Variants in RAPGEF6 observed in about 807,000 individuals in gnomAD.
RAPGEF6 encodes the protein PDZ domain containing guanine nucleotide exchange factor (GEF) 2.
In RAPGEF6, 56 loss-of-function variants were observed where a neutral mutation model predicts 171.4. That is an observed-to-expected ratio of 0.33 (90% CI 0.26 to 0.41). The LOEUF is 0.41. RAPGEF6 is among the 10% of genes least tolerant of loss of function. The pLI, the probability that RAPGEF6 is intolerant of heterozygous loss-of-function variation, is 1.00. For missense variants in RAPGEF6, 1,674 were observed against 1,921.4 expected (o/e 0.87, Z 2.41); for synonymous variants, 692 against 650.1 (o/e 1.06, Z -0.98).
chr5:131,560,839 T>C (rs1166837874), intron 5 of RAPGEF6, among the ~76,000 whole-genome samples: 1 of 152,240 alleles, frequency 6.6e-6, no homozygotes, highest in Non-Finnish European at 1.5e-5. Context: ...GTTATACAGA[T>C]GATCCAGTTT....
intron 25 of RAPGEF6, 48 bp downstream of exon 25, chr5:131,433,382 G>A (rs1466346336): frequency 6.5e-7 from 1 of 1,533,622 alleles, no homozygotes. Context: ...CCTTGCAGTG[G>A]CCACTTGGCT....
intron 1 of RAPGEF6, among the ~76,000 whole-genome samples, chr5:131,606,911 G>A (rs1764633104): frequency 6.6e-6 from 1 of 152,152 alleles, no homozygotes; most frequent in Admixed American, 6.5e-5. Flanking sequence ...CTAAAAGAAT[G>A]ATCCCAATTG....
At chr5:131,564,834 CA>C (rs1281986794) in intron 4 of RAPGEF6, among the ~76,000 whole-genome samples, 1 of 152,146 alleles carries the variant, frequency 6.6e-6, no homozygotes, top group Non-Finnish European at 1.5e-5. Flanking sequence ...AATGTTCTAT[CA>C]AATCACATAT....
chr5:131,469,655 G>T, intron 17 of RAPGEF6: 1 of 521,240 alleles, frequency 1.9e-6, no homozygotes, highest in Non-Finnish European at 3.2e-6. Flanking sequence ...AAAGACACAT[G>T]CCAGTTAATA....
At chr5:131,475,022 C>T (rs909154797) in intron 16 of RAPGEF6, among the ~76,000 whole-genome samples, 3 of 152,160 alleles carry the variant, frequency 2.0e-5, no homozygotes, top group Non-Finnish European at 2.9e-5. Flanking sequence ...ACAGAAAATA[C>T]GAAAAGTCCT....
chr5:131,424,860 A>G lies in RAPGEF6; in HGVS notation c.*2406T>C, dbSNP rs1013689987. ...GCAGATTGAGAGTTGTGGCAGGAAG[A>G]GAGGGCACTAGTCTCTTCATTAAGA... On this transcript the variant is annotated 3_prime_UTR_variant, in exon 28 of 28. Transcript: ENST00000509018. 1 of 152,360 alleles carries G rather than the reference A, an allele frequency of 6.6e-6. No homozygotes were observed. 9.4% of individuals were successfully genotyped at this position (152,360 alleles called of 1,614,324 possible).
At chr5:131,542,651 A>C (rs1265484931) in intron 6 of RAPGEF6, among the ~76,000 whole-genome samples, 1 of 152,228 alleles carries the variant, frequency 6.6e-6, no homozygotes, top group Non-Finnish European at 1.5e-5. Flanking sequence ...CACATAAACA[A>C]GATATTATGG....
At chr5:131,561,706 C>G (rs1581027258) in intron 5 of RAPGEF6, among the ~76,000 whole-genome samples, 1 of 150,822 alleles carries the variant, frequency 6.6e-6, no homozygotes, top group Non-Finnish European at 1.5e-5. Context: ...TCATGGTCCC[C>G]TTTTAAAACT....
intron 1 of RAPGEF6, among the ~76,000 whole-genome samples, chr5:131,613,903 C>T (rs1765100379): frequency 1.3e-5 from 2 of 152,148 alleles, no homozygotes; most frequent in Admixed American, 1.3e-4. Context: ...AAGCTAGTGA[C>T]ACCGAGAAGC....
At chr5:131,479,341 T>G (rs1380557508) in intron 16 of RAPGEF6, among the ~76,000 whole-genome samples, 172 bp downstream of exon 16, 2 of 152,174 alleles carry the variant, frequency 1.3e-5, no homozygotes, top group African/African-American at 4.8e-5. Context: ...AGTAACTTCA[T>G]GAAAGTGATA....
intron 6 of RAPGEF6, among the ~76,000 whole-genome samples, chr5:131,546,876 A>G (rs934291567): frequency 6.6e-6 from 1 of 152,230 alleles, no homozygotes; most frequent in African/African-American, 2.4e-5. Context: ...ATTGCAAAAT[A>G]TCATCAAATA....
intron 11 of RAPGEF6, among the ~76,000 whole-genome samples, chr5:131,502,651 C>T (rs186118445): frequency 3.9e-4 from 59 of 152,288 alleles, no homozygotes; most frequent in Non-Finnish European, 7.1e-4. Flanking sequence ...AGGATATTAA[C>T]AACAGTGAAG....
At chr5:131,496,492 CAA>C (rs1756649931) in intron 12 of RAPGEF6, among the ~76,000 whole-genome samples, 1 of 152,194 alleles carries the variant, frequency 6.6e-6, no homozygotes, top group East Asian at 1.9e-4. Flanking sequence ...AAGTAAACCT[CAA>C]ACTCATTAAG....
At chr5:131,571,947 A>C (rs986688619) in intron 4 of RAPGEF6, among the ~76,000 whole-genome samples, 1 of 152,074 alleles carries the variant, frequency 6.6e-6, no homozygotes, top group Non-Finnish European at 1.5e-5. Flanking sequence ...ACATCCTCCC[A>C]GCCCTTGAGA....
Position 131,530,282 on chromosome 5 carries a change from C to T in RAPGEF6, c.496-8761G>A, listed in dbSNP as rs146872868. On this transcript the variant is annotated intron_variant, in intron 6 of 27. Coordinates refer to ENST00000509018, the MANE Select transcript of RAPGEF6 (RefSeq NM_016340.6). ...ACAGTGTAGTAACTTTTTCAAACTG[C>T]TAAAGAAAAAAGACTTTGGATTTAT... Among the ~76,000 whole-genome samples the T allele has an allele frequency of 4.2e-3, 645 of 151,788 alleles. 8 individuals carry two copies. The highest frequency in any genetic ancestry group is 0.015 in the African/African-American group (612 of 41,414).
intron 26 of RAPGEF6, among the ~76,000 whole-genome samples, chr5:131,429,534 C>A (rs1048865377): frequency 2.0e-5 from 3 of 152,128 alleles, no homozygotes; most frequent in African/African-American, 7.2e-5. Context: ...GAAGTCACAC[C>A]AGCCCTAAAG....
chr5:131,502,185 T>C (rs530064660), intron 11 of RAPGEF6, among the ~76,000 whole-genome samples: 103 of 152,188 alleles, frequency 6.8e-4, no homozygotes, highest in Non-Finnish European at 1.4e-3. Context: ...ATAAATAAAT[T>C]AATGAAGACA....
intron 7 of RAPGEF6, among the ~76,000 whole-genome samples, chr5:131,512,262 A>AGGCAGACGG (rs923363435): frequency 6.6e-6 from 1 of 152,168 alleles, no homozygotes; most frequent in African/African-American, 2.4e-5. Flanking sequence ...GACCAGAAAC[A>AGGCAGACGG]GGCAGACGGG....
intron 5 of RAPGEF6, among the ~76,000 whole-genome samples, chr5:131,556,991 T>C (rs1435606635): frequency 2.0e-5 from 3 of 152,224 alleles, no homozygotes; most frequent in Admixed American, 6.5e-5. Context: ...CGGGAGTCTA[T>C]GTTGCCCAGG....
Sources: gnomAD v4.1 joint callset for allele counts (sites outside exome capture counted in the v4.1 genomes callset) on GRCh38, gnomAD v4.1.1 for gene constraint, MANE v1.5 for transcripts, NCBI Gene and HGNC (gene_info 2026-07-23, HGNC 2026-07-21) for gene names.